Variants in FAM227B observed in about 807,000 individuals in gnomAD.
FAM227B encodes family with sequence similarity 227 member B.
In FAM227B, 88 loss-of-function variants were observed where a neutral mutation model predicts 73.8. That is an observed-to-expected ratio of 1.19 (90% CI 1.00 to 1.42). The LOEUF (loss-of-function observed/expected upper bound fraction) is 1.42, where lower values mean the gene tolerates loss of function less well. FAM227B is among the 40% of genes most tolerant of loss of function. The probability of loss-of-function intolerance (pLI) is 0.00; values close to 1 mark genes in which losing one functional copy is unlikely to be tolerated. For synonymous variants in FAM227B, 210 were observed against 190.5 expected, an observed-to-expected ratio of 1.10 and a Z score of -0.84; for missense variants, 632 against 590.9, an observed-to-expected ratio of 1.07 and a Z score of -0.72.
chr15:49,408,405 T>C (rs1160798259), intron 11 of FAM227B, among the ~76,000 whole-genome samples: 1 of 152,214 alleles, frequency 6.6e-6, no homozygotes, highest in Non-Finnish European at 1.5e-5. Flanking sequence ...CACCATGACA[T>C]GGGTCTTCAC....
At chr15:49,569,029 G>A (rs12594670) in intron 8 of FAM227B, among the ~76,000 whole-genome samples, 56,807 of 151,548 alleles carry the variant, frequency 0.37, 12,357 homozygotes, top group East Asian at 0.54. Context: ...TTTGATGGGA[G>A]GTTTTTGATT....
chr15:49,463,431 G>A (rs1011454367), intron 11 of FAM227B, among the ~76,000 whole-genome samples: 1 of 151,772 alleles, frequency 6.6e-6, no homozygotes, highest in Non-Finnish European at 1.5e-5. Flanking sequence ...ATGGGCGCCT[G>A]TAATCCCAGC....
intron 11 of FAM227B, among the ~76,000 whole-genome samples, chr15:49,470,362 A>G (rs2054633969): frequency 6.6e-6 from 1 of 152,152 alleles, no homozygotes; most frequent in Admixed American, 6.5e-5. Context: ...TTTCTTTTTT[A>G]TTACCAATAA....
At chr15:49,531,152 T>G (rs1546425) in intron 10 of FAM227B, among the ~76,000 whole-genome samples, 106,353 of 151,566 alleles carry the variant, frequency 0.7, 37,634 homozygotes, top group East Asian at 0.92. Flanking sequence ...TATTTTGAAA[T>G]ATTCTTAGGT....
At chr15:49,510,978 T>G (rs1024197237) in intron 10 of FAM227B, among the ~76,000 whole-genome samples, 1 of 151,994 alleles carries the variant, frequency 6.6e-6, no homozygotes, top group Non-Finnish European at 1.5e-5. Flanking sequence ...TTTTTAGCAT[T>G]TTCTTTTTGT....
intron 5 of FAM227B, among the ~76,000 whole-genome samples, chr15:49,579,430 G>T (rs2075670556): frequency 6.6e-6 from 1 of 152,018 alleles, no homozygotes; most frequent in Non-Finnish European, 1.5e-5. Context: ...GATAAAATGT[G>T]GTGTATATAC....
In FAM227B at chr15:49,506,970, A is replaced by G. The variant is rs996405006; in HGVS notation, c.1012+1241T>C. On this transcript the variant is annotated intron_variant, in intron 11 of 15. Transcript: ENST00000299338. ...TTAAAAAGAAAATGGAAAGTTCACA[A>G]AATACTCTCAATTTAGTTATTCATA... Among the ~76,000 whole-genome samples the G allele has an allele frequency of 1.0e-3, 153 of 152,164 alleles. 1 individual carries two copies. Among genetic ancestry groups the G allele is most frequent in the African/African-American group, 3.6e-3 (148 of 41,564 alleles).
At chr15:49,584,374 A>C (rs117264799) in intron 5 of FAM227B, among the ~76,000 whole-genome samples, 1 of 152,216 alleles carries the variant, frequency 6.6e-6, no homozygotes, top group Admixed American at 6.5e-5. Context: ...TCAAAATAAT[A>C]ACAGCCAACT....
At position 49,366,330 on chromosome 15, in the gene FAM227B, T is replaced by C. The variant is rs991056043; in HGVS notation, c.1271+1118A>G. 1.9e-5 allele frequency: 15 copies of C among 786,496 alleles called. No homozygotes were observed. In the African/African-American group the frequency reaches 2.4e-4, roughly 12 times the overall value. 48.7% of individuals were successfully genotyped at this position (786,496 alleles called of 1,614,324 possible). On this transcript the variant is annotated intron_variant, in intron 13 of 15. Transcript: ENST00000299338. ...CTGTTACCTGAGGTAGGAAATAGGATACTGTTATTGACAACCAACATTGCT... is the reference window on the plus strand; with the variant it reads ...CTGTTACCTGAGGTAGGAAATAGGACACTGTTATTGACAACCAACATTGCT...
At chr15:49,422,185 C>T (rs867619428) in intron 11 of FAM227B, among the ~76,000 whole-genome samples, 1,823 of 144,168 alleles carry the variant, frequency 0.013, 38 homozygotes, top group South Asian at 0.083. Context: ...CGCGTGCACG[C>T]GTGTGTGTTT....
At chr15:49,489,619 T>C (rs1454951804) in intron 11 of FAM227B, among the ~76,000 whole-genome samples, 1 of 150,662 alleles carries the variant, frequency 6.6e-6, no homozygotes, top group Non-Finnish European at 1.5e-5. Flanking sequence ...CTCTAGGCCA[T>C]AGAGTGTTTT....
intron 13 of FAM227B, among the ~76,000 whole-genome samples, chr15:49,352,565 G>A (rs373354812): frequency 6.6e-6 from 1 of 152,144 alleles, no homozygotes; most frequent in South Asian, 2.1e-4. Context: ...GCTTCAGAGC[G>A]CCTACCATAT....
At chr15:49,554,734 A>C (rs2152318280) in intron 9 of FAM227B, among the ~76,000 whole-genome samples, 1 of 152,284 alleles carries the variant, frequency 6.6e-6, no homozygotes, top group Middle Eastern at 3.4e-3. Context: ...CAGTGATATG[A>C]AGCTAAAACT....
intron 8 of FAM227B, among the ~76,000 whole-genome samples, chr15:49,574,059 A>G (rs970348481): frequency 6.6e-6 from 1 of 152,088 alleles, no homozygotes; most frequent in Non-Finnish European, 1.5e-5. Context: ...TTTGAAATCT[A>G]CTTTGTATGA....
chr15:49,366,593 T>A lies in FAM227B; in HGVS notation c.1271+855A>T, dbSNP rs1164360904. The A allele has an allele frequency of 1.9e-6, 3 of 1,600,518 alleles. No homozygotes were observed. In the East Asian group the frequency reaches 6.7e-5, roughly 36 times the overall value. ...CTTGGATGTGCCATTTCCAGACGCA[T>A]GCAAGATTGCTTCCTGAGCGGCTGT... is the stretch of plus-strand genomic sequence containing the variant. On this transcript the variant is annotated intron_variant, in intron 13 of 15. Coordinates refer to ENST00000299338, the MANE Select transcript of FAM227B (RefSeq NM_152647.3).
intron 1 of FAM227B, among the ~76,000 whole-genome samples, chr15:49,618,164 C>CT (rs2078418211): frequency 6.6e-6 from 1 of 152,152 alleles, no homozygotes; most frequent in Non-Finnish European, 1.5e-5. Flanking sequence ...ATATAGACAT[C>CT]TTTGGGGGCC....
chr15:49,524,648 G>A (rs141696669), intron 10 of FAM227B, among the ~76,000 whole-genome samples: 1 of 152,284 alleles, frequency 6.6e-6, no homozygotes, highest in African/African-American at 2.4e-5. Context: ...AGCCTTCACT[G>A]TGCACCTGGA....
At chr15:49,355,424 C>G (rs188245750) in intron 13 of FAM227B, among the ~76,000 whole-genome samples, 14 of 152,136 alleles carry the variant, frequency 9.2e-5, no homozygotes, top group South Asian at 4.2e-4. Context: ...AACCAAGGCT[C>G]GAGAACTACG....
In FAM227B at chr15:49,574,542, T is replaced by C. The variant is rs372455802; in HGVS notation, c.645+469A>G. Among the ~76,000 whole-genome samples, 90 of 152,292 alleles carry C rather than the reference T, an allele frequency of 5.9e-4. 1 individual carries two copies. In the South Asian group the frequency reaches 8.3e-3, roughly 14 times the overall value. The stretch of plus-strand genomic sequence containing the variant: ...GCTTCCCTTTTGCCTTCCACCATGA[T>C]TGTAAGTTTCCTGAGGCCTCCACAC... On this transcript the variant is annotated intron_variant, in intron 8 of 15. Coordinates refer to ENST00000299338, the MANE Select transcript of FAM227B (RefSeq NM_152647.3).
Sources: allele counts gnomAD v4.1 joint callset (sites outside exome capture counted in the v4.1 genomes callset), GRCh38; gene constraint gnomAD v4.1.1; transcripts MANE v1.5; gene names NCBI Gene and HGNC (gene_info 2026-07-23, HGNC 2026-07-21).